Variants in PDPN observed in about 807,000 individuals in gnomAD.
PDPN encodes the protein PA2.26 antigen.
A neutral mutation model predicts 23.2 loss-of-function variants in PDPN; 12 were observed. The ratio of observed to expected loss-of-function variants is 0.52; its 90% CI spans 0.33 to 0.84. The LOEUF (loss-of-function observed/expected upper bound fraction) is 0.84. Ranked by LOEUF, PDPN falls within the 40% of genes least tolerant of loss-of-function variation. The pLI is 0.02. For synonymous variants in PDPN, 77 were observed against 76.7 expected (o/e 1.00, Z -0.02); for missense variants, 199 against 212.2 (o/e 0.94, Z 0.39).
chr1:13,613,139 C>T (rs925680478), intron 3 of PDPN, among the ~76,000 whole-genome samples: 8 of 152,164 alleles, frequency 5.3e-5, no homozygotes, highest in Non-Finnish European at 8.8e-5. Context: ...TATATTTGCT[C>T]ATGAAACTTA....
chr1:13,610,565 T>C (rs2100277174), intron 3 of PDPN, 49 bp downstream of exon 3: 2 of 1,587,900 alleles, frequency 1.3e-6, no homozygotes, highest in Non-Finnish European at 1.7e-6. Flanking sequence ...TTTGCATAAT[T>C]GGTGCATTCC....
At chr1:13,592,739 G>A (rs1041446217) in intron 1 of PDPN, among the ~76,000 whole-genome samples, 9 of 151,880 alleles carry the variant, frequency 5.9e-5, no homozygotes, top group East Asian at 1.9e-4. Flanking sequence ...TAGTAGAGTC[G>A]TGGTTTCTCC....
chr1:13,584,811 T>C (rs999113897), intron 1 of PDPN, among the ~76,000 whole-genome samples: 2 of 152,182 alleles, frequency 1.3e-5, no homozygotes, highest in East Asian at 3.9e-4. Context: ...TGGCTGAATG[T>C]CTGTTGGTGA....
intron 1 of PDPN, chr1:13,584,398 A>G: frequency 8.1e-7 from 1 of 1,228,516 alleles, no homozygotes; most frequent in Non-Finnish European, 1.1e-6. Flanking sequence ...ATCGGGTGGA[A>G]GGTTCACAGT....
intron 1 of PDPN, among the ~76,000 whole-genome samples, chr1:13,588,859 G>A (rs893999207): frequency 6.0e-5 from 9 of 149,226 alleles, no homozygotes; most frequent in African/African-American, 2.2e-4. Context: ...TGTATTTTTA[G>A]TAGAGATGGA....
chr1:13,613,614 A>G (rs2100286737), intron 3 of PDPN, 73 bp from the exon 4 acceptor site: 1 of 786,158 alleles, frequency 1.3e-6, no homozygotes, highest in Non-Finnish European at 2.2e-6. Context: ...GGGTAAATTC[A>G]TCTTTTGCCA....
intron 1 of PDPN, among the ~76,000 whole-genome samples, chr1:13,599,479 G>A (rs1383334311): frequency 6.9e-6 from 1 of 144,354 alleles, no homozygotes; most frequent in African/African-American, 2.6e-5. Flanking sequence ...TCCACCTCCT[G>A]GGTTCAAGTG....
chr1:13,605,646 CG>C (rs1335639398), intron 1 of PDPN, among the ~76,000 whole-genome samples: 1 of 152,024 alleles, frequency 6.6e-6, no homozygotes, highest in Non-Finnish European at 1.5e-5. Flanking sequence ...TTCTTTGAGA[CG>C]GAGTCCTGCT....
chr1:13,591,950 C>T (rs751787778), intron 1 of PDPN, among the ~76,000 whole-genome samples: 8 of 152,224 alleles, frequency 5.3e-5, no homozygotes, highest in Non-Finnish European at 8.8e-5. Flanking sequence ...TCTGGTTTCT[C>T]CACATCCCCA....
At position 13,613,679 on chromosome 1, in the gene PDPN, A is replaced by G. The variant is rs1297607532; in HGVS notation, c.332-8A>G. ...TAATTCTACATTATTATATCTTTCTATTCACAGAGAAAGTGGATGGAGACA... is the reference window on the plus strand; with the variant it reads ...TAATTCTACATTATTATATCTTTCTGTTCACAGAGAAAGTGGATGGAGACA... On this transcript the variant is annotated splice_polypyrimidine_tract_variant and splice_region_variant and intron_variant, in intron 3 of 5. Coordinates refer to ENST00000621990, the MANE Select transcript of PDPN (RefSeq NM_006474.5). 2.2e-6 allele frequency: 3 copies of G among 1,357,802 alleles called. No individual in the cohort carries two copies. Among genetic ancestry groups the G allele is most frequent in the Non-Finnish European group, 3.2e-6 (3 of 949,206 alleles). 84.1% of individuals were successfully genotyped at this position (1,357,802 alleles called of 1,614,324 possible).
Position 13,596,689 on chromosome 1 carries a change from G to C in PDPN, c.68-10484G>C, listed in dbSNP as rs79567026. 7.2e-5 allele frequency among the ~76,000 whole-genome samples: 11 copies of C among 152,272 alleles called. No homozygotes were observed. The East Asian group carries it at 2.1e-3, about 29-fold the overall frequency. Reference sequence around the variant, plus strand: ...GTGGTGTGGCTGTAAGCAAAACATCGATATTCCAAAGGAAGCCTTCAACAA... The same window carrying C: ...GTGGTGTGGCTGTAAGCAAAACATCCATATTCCAAAGGAAGCCTTCAACAA... On this transcript the variant is annotated intron_variant, in intron 1 of 5. Transcript: ENST00000621990.
intron 1 of PDPN, among the ~76,000 whole-genome samples, chr1:13,589,162 G>C (rs1640267321): frequency 6.6e-6 from 1 of 152,102 alleles, no homozygotes; most frequent in Non-Finnish European, 1.5e-5. Context: ...AGATGTCTTT[G>C]TTTTGTCACA....
intron 5 of PDPN, 77 bp from the exon 6 acceptor site, chr1:13,615,828 T>C (rs938082965): frequency 1.8e-5 from 23 of 1,301,476 alleles, no homozygotes; most frequent in Non-Finnish European, 2.3e-5. Context: ...CAAAGGACAA[T>C]AGGAAAAAGG....
chr1:13,610,402 A>C lies in PDPN; in HGVS notation c.217A>C (p.Asn73His). The change falls in exon 3 of 6, where the codon AAC becomes CAC. Residue 73 changes from asparagine (N) to histidine (H), a missense_variant. Transcript: ENST00000621990. ...GLTTLVATSV[N>H]SVTGIRIEDL... The stretch of plus-strand genomic sequence containing the variant: ...CCTACAATAGGTGGCAACAAGTGTC[A>C]ACAGTGTAACAGGCATTCGCATCGA... 1 of 1,613,756 alleles carries C rather than the reference A, an allele frequency of 6.2e-7. No homozygotes were observed.
chr1:13,606,404 G>T lies in PDPN; in HGVS notation c.68-769G>T, dbSNP rs368159361. The stretch of plus-strand genomic sequence containing the variant: ...GACAGTAATCTCAACTGTAAAGTAA[G>T]AGGTAAAACTCCATGTAATCTACGA... On this transcript the variant is annotated intron_variant, in intron 1 of 5. Coordinates refer to ENST00000621990, the MANE Select transcript of PDPN (RefSeq NM_006474.5). Among the ~76,000 whole-genome samples the T allele has an allele frequency of 2.0e-5, 3 of 152,330 alleles. 1 individual carries two copies. The South Asian group carries it at 6.2e-4, about 32-fold the overall frequency.
chr1:13,604,912 A>G (rs1331403483), intron 1 of PDPN, among the ~76,000 whole-genome samples: 1 of 152,184 alleles, frequency 6.6e-6, no homozygotes, highest in Admixed American at 6.5e-5. Context: ...AAAAGGCCAC[A>G]TGGAGAGGCA....
rs773006448 is a variant in PDPN, at chr1:13,583,873, C to T, written c.-161C>T. The T allele has an allele frequency of 2.4e-5, 39 of 1,606,982 alleles. No homozygotes were observed. Among genetic ancestry groups the T allele is most frequent in the Non-Finnish European group, 3.2e-5 (38 of 1,176,494 alleles). ...GTCCGGCTGCCTAGGGTCTGGGAAGCTCGGGCACCCTCCCTCTCCGGGGCT... is the reference window on the plus strand; with the variant it reads ...GTCCGGCTGCCTAGGGTCTGGGAAGTTCGGGCACCCTCCCTCTCCGGGGCT... On this transcript the variant is annotated 5_prime_UTR_variant, in exon 1 of 6. Transcript: ENST00000621990.
intron 1 of PDPN, chr1:13,585,362 C>G (rs1260817704): frequency 1.9e-6 from 1 of 526,250 alleles, no homozygotes; most frequent in Admixed American, 3.7e-5. Flanking sequence ...GACTGAGCAA[C>G]TCTTTTTATA....
At chr1:13,597,476 G>A (rs914965991) in intron 1 of PDPN, among the ~76,000 whole-genome samples, 3 of 152,188 alleles carry the variant, frequency 2.0e-5, no homozygotes, top group Non-Finnish European at 4.4e-5. Flanking sequence ...TGTAGAAACG[G>A]CTTCTCCAGC....
Sources: allele counts gnomAD v4.1 joint callset (sites outside exome capture counted in the v4.1 genomes callset), GRCh38; gene constraint gnomAD v4.1.1; transcripts MANE v1.5; gene names NCBI Gene and HGNC (gene_info 2026-07-23, HGNC 2026-07-21).